Variants in CCDC15 observed in about 807,000 individuals in gnomAD.
CCDC15 encodes coiled-coil domain containing 15.
A neutral mutation model predicts 114.5 loss-of-function variants in CCDC15; 105 were observed. The observed-to-expected ratio is 0.92, with a 90% CI of 0.78 to 1.08. CCDC15 has a LOEUF of 1.08. Among genes scored for constraint, CCDC15 ranks in the 50% least tolerant of loss-of-function variants. The pLI, the probability that CCDC15 is intolerant of heterozygous loss-of-function variation, is 0.00. For synonymous variants in CCDC15, 334 were observed against 377.8 expected, an observed-to-expected ratio of 0.88 and a Z score of 1.34; for missense variants, 1,105 against 1,093.6, an observed-to-expected ratio of 1.01 and a Z score of -0.15.
chr11:124,995,202 C>T (rs1296784536), intron 11 of CCDC15, among the ~76,000 whole-genome samples: 1 of 152,126 alleles, frequency 6.6e-6, no homozygotes, highest in Non-Finnish European at 1.5e-5. Flanking sequence ...TTCATAAAGT[C>T]GGTCCCTTCT....
intron 4 of CCDC15, among the ~76,000 whole-genome samples, chr11:124,966,749 C>T (rs544225292): frequency 2.0e-4 from 31 of 152,274 alleles, no homozygotes; most frequent in African/African-American, 6.7e-4. Flanking sequence ...ATGGTCTTTA[C>T]AATTTGGCAT....
At chr11:124,989,470 C>T (rs999235123) in intron 8 of CCDC15, among the ~76,000 whole-genome samples, 3 of 152,182 alleles carry the variant, frequency 2.0e-5, no homozygotes, top group Admixed American at 1.3e-4. Context: ...AACTTAAAGT[C>T]ACCAGCTGCA....
chr11:125,014,637 A>G (rs1948616250), intron 13 of CCDC15, among the ~76,000 whole-genome samples: 1 of 152,222 alleles, frequency 6.6e-6, no homozygotes, highest in Admixed American at 6.5e-5. Flanking sequence ...GTACCACTTC[A>G]GACTCACTAG....
intron 13 of CCDC15, among the ~76,000 whole-genome samples, chr11:125,017,195 T>C (rs969128505): frequency 6.6e-6 from 1 of 152,184 alleles, no homozygotes; most frequent in Non-Finnish European, 1.5e-5. Flanking sequence ...ATGATATGGT[T>C]TCATTCATTG....
At chr11:124,968,342 C>T (rs997081963) in intron 4 of CCDC15, among the ~76,000 whole-genome samples, 1 of 152,196 alleles carries the variant, frequency 6.6e-6, no homozygotes, top group Non-Finnish European at 1.5e-5. Flanking sequence ...CTTTGTTTAC[C>T]TACTGAAGCC....
rs374271451 is a variant in CCDC15, at chr11:125,016,199, A to C, written c.2411+10987A>C. On this transcript the variant is annotated intron_variant, in intron 13 of 15. Coordinates refer to ENST00000344762, the MANE Select transcript of CCDC15 (RefSeq NM_025004.3). ...AATATCCTGTTTATTGTGCGTAAGAAGGTACAAGGACTCCTGAAATATTTA... is the reference window on the plus strand; with the variant it reads ...AATATCCTGTTTATTGTGCGTAAGACGGTACAAGGACTCCTGAAATATTTA... 9.8e-5 allele frequency among the ~76,000 whole-genome samples: 15 copies of C among 152,306 alleles called. No individual in the cohort carries two copies. In the East Asian group the frequency reaches 2.3e-3, roughly 24 times the overall value.
intron 4 of CCDC15, 102 bp downstream of exon 4, chr11:124,960,105 C>A: frequency 2.8e-6 from 2 of 711,428 alleles, no homozygotes; most frequent in South Asian, 5.1e-5. Flanking sequence ...AGAGTTATCA[C>A]ACTCAGCTTC....
Position 124,987,600 on chromosome 11 carries a change from C to T in CCDC15, c.1374C>T (p.His458=), listed in dbSNP as rs1215027495. ...DFLPRDQHVL[H]KDQDILPKYQ... is the part of the protein sequence containing the mutation. ...TACCCAGAGACCAGCATGTTCTCCA[C>T]AAAGACCAAGATATTCTGCCAAAAT... The change falls in exon 8 of 16, where the codon CAC becomes CAT. Residue 458 remains histidine, a synonymous_variant. Coordinates refer to ENST00000344762, the MANE Select transcript of CCDC15 (RefSeq NM_025004.3). 4 of 1,613,866 alleles carry T rather than the reference C, an allele frequency of 2.5e-6. No homozygotes were observed. In the Admixed American group the frequency reaches 6.7e-5, roughly 27 times the overall value.
chr11:125,033,008 G>A (rs1335866111), intron 13 of CCDC15, among the ~76,000 whole-genome samples: 2 of 152,158 alleles, frequency 1.3e-5, no homozygotes, highest in Non-Finnish European at 2.9e-5. Context: ...TCTCCTTGGG[G>A]AAGGATGGGA....
chr11:124,993,277 T>G, intron 11 of CCDC15, 34 bp downstream of exon 11: 5 of 1,403,974 alleles, frequency 3.6e-6, no homozygotes, highest in Non-Finnish European at 5.0e-6. Flanking sequence ...ATCTAGTCTC[T>G]TCTAGAGAAG....
At chr11:124,959,731 ATCTTCT>A in intron 3 of CCDC15, 78 bp from the exon 4 acceptor site, 1 of 920,432 alleles carries the variant, frequency 1.1e-6, no homozygotes, top group East Asian at 3.6e-5. Flanking sequence ...CCAATTTAAA[ATCTTCT>A]GAACTGCTTT....
At chr11:125,001,001 A>G (rs752465850) in intron 11 of CCDC15, among the ~76,000 whole-genome samples, 2 of 152,210 alleles carry the variant, frequency 1.3e-5, no homozygotes, top group African/African-American at 4.8e-5. Flanking sequence ...AGCCAACAGC[A>G]CTGTAACTCA....
intron 13 of CCDC15, among the ~76,000 whole-genome samples, chr11:125,032,978 A>G (rs1185217388): frequency 6.6e-6 from 1 of 152,170 alleles, no homozygotes; most frequent in Non-Finnish European, 1.5e-5. Context: ...GTGCACAGTT[A>G]CCCTGGTAAA....
intron 11 of CCDC15, among the ~76,000 whole-genome samples, chr11:124,997,733 G>A (rs1244679093): frequency 6.6e-6 from 1 of 152,222 alleles, no homozygotes; most frequent in Non-Finnish European, 1.5e-5. Flanking sequence ...CTTGAGACCA[G>A]GAGTTTGAGA....
Position 124,993,216 on chromosome 11 carries a change from A to C in CCDC15, c.2187A>C (p.Ala729=), listed in dbSNP as rs922110538. Residue 729 remains alanine (A), a synonymous_variant, in exon 11 of 16, where the codon GCA becomes GCC. Coordinates refer to ENST00000344762, the MANE Select transcript of CCDC15 (RefSeq NM_025004.3). ...LPSSFEKWEI[A]RGNTPGVPLA... Reference sequence around the variant, plus strand: ...CATCTTTTGAGAAATGGGAGATTGCAAGAGGAAATACTCCTGGAGTGCCCT... The same window carrying C: ...CATCTTTTGAGAAATGGGAGATTGCCAGAGGAAATACTCCTGGAGTGCCCT... 6.2e-7 allele frequency: 1 copy of C among 1,606,482 alleles called. No individual in the cohort carries two copies. The highest frequency in any genetic ancestry group is 8.5e-7 in the Non-Finnish European group (1 of 1,174,998).
chr11:125,039,006 G>C lies in CCDC15; in HGVS notation c.2671G>C (p.Asp891His). Residue 891 changes from aspartate to histidine, a missense_variant, in exon 15 of 16, where the codon GAT becomes CAT. Coordinates refer to ENST00000344762, the MANE Select transcript of CCDC15 (RefSeq NM_025004.3). ...ACCTCCACTATGCTGTTGTGGTCCT[G>C]ATTTTTGGGATGCTCATCCTGATAC... Reference protein sequence around the residue: ...TLPPLCCCGPDFWDAHPDTCA... With the variant: ...TLPPLCCCGPHFWDAHPDTCA... 1.2e-6 allele frequency: 2 copies of C among 1,611,396 alleles called. No individual in the cohort carries two copies. The highest frequency in any genetic ancestry group is 1.7e-6 in the Non-Finnish European group (2 of 1,178,286).
In CCDC15 at chr11:124,959,118, T is replaced by G; in HGVS notation, c.181T>G (p.Ser61Ala). The G allele has an allele frequency of 6.4e-7, 1 of 1,558,860 alleles. No homozygotes were observed. The highest frequency in any genetic ancestry group is 1.2e-5 in the South Asian group (1 of 80,482). Residue 61 changes from serine (S) to alanine (A), a missense_variant, in exon 3 of 16, where the codon TCA becomes GCA. Physicochemically the swap from Ser to Ala is moderately conservative, Grantham distance 99 (BLOSUM62 1). Coordinates refer to ENST00000344762, the MANE Select transcript of CCDC15 (RefSeq NM_025004.3). ...PGSSEIPAYT[S>A]AYLIEEELKE... ...TTTCTGTCTTTCATCTTTAAAGACA[T>G]CAGCATATTTAATTGAAGAAGAACT...
At position 124,971,260 on chromosome 11, in the gene CCDC15, C is replaced by T. The variant is rs140021392; in HGVS notation, c.517-3836C>T. Among the ~76,000 whole-genome samples, 273 of 152,284 alleles carry T rather than the reference C, an allele frequency of 1.8e-3. 1 individual carries two copies. The highest frequency in any genetic ancestry group is 6.1e-3 in the African/African-American group (252 of 41,558). On this transcript the variant is annotated intron_variant, in intron 4 of 15. Coordinates refer to ENST00000344762, the MANE Select transcript of CCDC15 (RefSeq NM_025004.3). ...GACATCAACAAAAAGGACATCCACA[C>T]CAAAACCCCATCTGTAGGTCACCAT...
chr11:125,001,147 A>T (rs1175290934), intron 11 of CCDC15, among the ~76,000 whole-genome samples: 1 of 152,210 alleles, frequency 6.6e-6, no homozygotes, highest in Admixed American at 6.5e-5. Flanking sequence ...AACATAGAAC[A>T]CAAAAATGCA....
Sources: allele counts gnomAD v4.1 joint callset (sites outside exome capture counted in the v4.1 genomes callset), GRCh38; gene constraint gnomAD v4.1.1; transcripts MANE v1.5; gene names NCBI Gene and HGNC (gene_info 2026-07-23, HGNC 2026-07-21).